RGPD4: variants seen among roughly 807,000 people sequenced by gnomAD.
RGPD4 encodes RANBP2 like and GRIP domain containing 4.
Under a neutral mutation model 141.1 loss-of-function variants are expected in RGPD4, and 84 were observed. The ratio of observed to expected loss-of-function variants is 0.60; its 90% CI spans 0.50 to 0.71. RGPD4 has a LOEUF of 0.71. RGPD4 is among the 30% of genes least tolerant of loss of function. The probability of loss-of-function intolerance (pLI) is 0.00; values close to 1 mark genes in which losing one functional copy is unlikely to be tolerated. For missense variants in RGPD4, 918 were observed against 1,622.4 expected (o/e 0.57, Z 7.46); for synonymous variants, 298 against 566.8 (o/e 0.53, Z 6.74).
intron 20 of RGPD4, among the ~76,000 whole-genome samples, chr2:107,875,653 T>C (rs942675028): frequency 1.4e-5 from 2 of 140,950 alleles, no homozygotes; most frequent in African/African-American, 5.5e-5. Context: ...TGGGGATGGG[T>C]TGTTTTCAGC....
At chr2:107,829,492 G>T (rs1443534834) in intron 1 of RGPD4, among the ~76,000 whole-genome samples, 1 of 99,120 alleles carries the variant, frequency 1.0e-5, no homozygotes, top group Admixed American at 9.6e-5. Context: ...AGGCGTCATG[G>T]CTACCGACGG....
intron 1 of RGPD4, among the ~76,000 whole-genome samples, chr2:107,829,942 T>C (rs1393967794): frequency 6.6e-6 from 1 of 151,922 alleles, no homozygotes; most frequent in Admixed American, 6.5e-5. Context: ...AGGAACCCAG[T>C]GGGGACTGAC....
Position 107,871,904 on chromosome 2 carries a change from G to T in RGPD4, c.3900G>T (p.Leu1300Phe). The change falls in exon 20 of 23, where the codon TTG (leucine) becomes TTT (phenylalanine). Residue 1300 changes from leucine to phenylalanine, a missense_variant. Coordinates refer to ENST00000408999, the MANE Select transcript of RGPD4 (RefSeq NM_182588.3). ...TGSNFSFKSA[L>F]SPSKSPAKLN... ...CTAACTTCAGTTTTAAATCTGCTTT[G>T]AGTCCATCTAAGTCTCCTGCCAAGT... 1 of 1,611,538 alleles carries T rather than the reference G, an allele frequency of 6.2e-7. No individual in the cohort carries two copies. Among genetic ancestry groups the T allele is most frequent in the African/African-American group, 1.3e-5 (1 of 74,572 alleles).
chr2:107,846,431 A>T (rs1232592579), intron 6 of RGPD4, among the ~76,000 whole-genome samples: 1 of 151,848 alleles, frequency 6.6e-6, no homozygotes, highest in Middle Eastern at 3.2e-3. Context: ...AATGTAATCC[A>T]TTAAAAATGT....
At chr2:107,876,369 A>G (rs1223671490) in intron 20 of RGPD4, among the ~76,000 whole-genome samples, 2 of 151,038 alleles carry the variant, frequency 1.3e-5, no homozygotes, top group African/African-American at 4.9e-5. Flanking sequence ...GATTACAGGC[A>G]TGAGCCACTG....
chr2:107,869,260 G>A (rs1180759720), intron 18 of RGPD4, among the ~76,000 whole-genome samples: 1 of 72,444 alleles, frequency 1.4e-5, no homozygotes, highest in African/African-American at 6.0e-5. Flanking sequence ...GTCATTAACA[G>A]GGGTGCCTTC....
rs1171671441 is a variant in RGPD4 at position 107,846,141 on chromosome 2, T to A, written c.783-2200T>A. On this transcript the variant is annotated intron_variant, in intron 6 of 22. Transcript: ENST00000408999. ...TGGGGTTTCACTGTGTTAGCCAGGATGGTCTTGATATCCTGACCTTGTGAT... is the reference window on the plus strand; with the variant it reads ...TGGGGTTTCACTGTGTTAGCCAGGAAGGTCTTGATATCCTGACCTTGTGAT... Among the ~76,000 whole-genome samples the A allele has an allele frequency of 5.4e-5, 8 of 147,008 alleles. 1 individual carries two copies. Among genetic ancestry groups the A allele is most frequent in the African/African-American group, 2.1e-4 (8 of 38,466 alleles).
At chr2:107,861,920 C>A (rs1352023352) in intron 15 of RGPD4, among the ~76,000 whole-genome samples, 180 bp downstream of exon 15, 2 of 140,944 alleles carry the variant, frequency 1.4e-5, no homozygotes, top group East Asian at 4.1e-4. Context: ...TTTGGTGTGT[C>A]TTTTTAAACT....
At chr2:107,829,803 GC>G (rs1681407620) in intron 1 of RGPD4, among the ~76,000 whole-genome samples, 1 of 152,120 alleles carries the variant, frequency 6.6e-6, no homozygotes, top group African/African-American at 2.4e-5. Flanking sequence ...GGGCTTTCTG[GC>G]CCCGTAGTAC....
chr2:107,880,895 G>A (rs981974975), intron 21 of RGPD4, among the ~76,000 whole-genome samples: 4 of 151,200 alleles, frequency 2.6e-5, no homozygotes, highest in African/African-American at 7.4e-5. Context: ...TTCCACCCTG[G>A]CTCACTGATA....
chr2:107,859,665 G>C, intron 11 of RGPD4, 57 bp from the exon 12 acceptor site: 1 of 1,611,094 alleles, frequency 6.2e-7, no homozygotes, highest in Non-Finnish European at 8.5e-7. Flanking sequence ...ATATATGTAT[G>C]TAAGCGCTGA....
chr2:107,854,712 T>C (rs1682245939), intron 8 of RGPD4, 69 bp downstream of exon 8: 2 of 1,575,434 alleles, frequency 1.3e-6, no homozygotes, highest in African/African-American at 1.4e-5. Context: ...TATCTTATGA[T>C]AAAATCTCCA....
chr2:107,886,567 A>C (rs1675518054), intron 22 of RGPD4, among the ~76,000 whole-genome samples: 1 of 150,918 alleles, frequency 6.6e-6, no homozygotes, highest in African/African-American at 2.4e-5. Context: ...CAAAAAGAAA[A>C]TTTCCTAGGT....
intron 9 of RGPD4, among the ~76,000 whole-genome samples, chr2:107,857,224 GC>G (rs1682353301): frequency 1.3e-5 from 2 of 151,200 alleles, no homozygotes; most frequent in South Asian, 4.2e-4. Context: ...TGTAACCTCT[GC>G]CTCCCGGGTT....
At chr2:107,876,376 A>G (rs2104507895) in intron 20 of RGPD4, among the ~76,000 whole-genome samples, 1 of 151,090 alleles carries the variant, frequency 6.6e-6, no homozygotes, top group African/African-American at 2.5e-5. Context: ...GGCATGAGCC[A>G]CTGCGCCTGG....
At chr2:107,879,223 T>TA (rs1211855174) in intron 20 of RGPD4, among the ~76,000 whole-genome samples, 1 of 52,972 alleles carries the variant, frequency 1.9e-5, no homozygotes, top group Non-Finnish European at 3.7e-5. Flanking sequence ...CAGTTTCAGT[T>TA]TATTCCTCTT....
chr2:107,863,638 A>C (rs1048456069), intron 17 of RGPD4, among the ~76,000 whole-genome samples: 3 of 151,558 alleles, frequency 2.0e-5, no homozygotes, highest in Non-Finnish European at 4.4e-5. Flanking sequence ...GATTACAGGC[A>C]CCCGCCACCA....
At chr2:107,858,681 C>A (rs372165894) in intron 9 of RGPD4, among the ~76,000 whole-genome samples, 54 of 147,808 alleles carry the variant, frequency 3.7e-4, no homozygotes, top group African/African-American at 5.0e-4. Context: ...TGCGCATAAC[C>A]TTTTCAATAT....
intron 6 of RGPD4, among the ~76,000 whole-genome samples, chr2:107,846,373 G>C (rs1271388123): frequency 6.6e-6 from 1 of 151,650 alleles, no homozygotes; most frequent in Non-Finnish European, 1.5e-5. Context: ...GCCGTATGTG[G>C]GTTATTTCTG....
Sources: gnomAD v4.1 joint callset for allele counts (sites outside exome capture counted in the v4.1 genomes callset) on GRCh38, gnomAD v4.1.1 for gene constraint, MANE v1.5 for transcripts, NCBI Gene and HGNC (gene_info 2026-07-23, HGNC 2026-07-21) for gene names.